INPP5A: variants seen among roughly 807,000 people sequenced by gnomAD.
INPP5A encodes inositol polyphosphate-5-phosphatase A.
In INPP5A, 14 loss-of-function variants were observed where a neutral mutation model predicts 65.2. The ratio of observed to expected loss-of-function variants is 0.21; its 90% CI spans 0.14 to 0.34. The LOEUF (loss-of-function observed/expected upper bound fraction) is 0.34. INPP5A is among the 10% of genes least tolerant of loss of function. INPP5A has a pLI of 1.00. For synonymous variants in INPP5A, 207 were observed against 208.3 expected (o/e 0.99, Z 0.05); for missense variants, 431 against 545.6 (o/e 0.79, Z 2.09).
chr10:132,710,701 C>T (rs1419355589), intron 8 of INPP5A, among the ~76,000 whole-genome samples: 1 of 137,216 alleles, frequency 7.3e-6, no homozygotes. Flanking sequence ...GTGTGGATGG[C>T]AGGTAGGTGT....
chr10:132,672,159 G>A (rs915918703), intron 4 of INPP5A, among the ~76,000 whole-genome samples: 2 of 152,208 alleles, frequency 1.3e-5, no homozygotes, highest in Non-Finnish European at 2.9e-5. Flanking sequence ...GTTTGTGCAT[G>A]TATACACTTG....
chr10:132,745,662 C>T (rs1429251400), intron 9 of INPP5A, among the ~76,000 whole-genome samples: 2 of 142,258 alleles, frequency 1.4e-5, no homozygotes, highest in Non-Finnish European at 3.1e-5. Flanking sequence ...GGTGTGGTGG[C>T]CCTGGGCATG....
chr10:132,590,311 C>T (rs1379985623), intron 1 of INPP5A, among the ~76,000 whole-genome samples: 6 of 152,108 alleles, frequency 3.9e-5, no homozygotes, highest in African/African-American at 9.6e-5. Context: ...GTATCGTCTC[C>T]GTCTGTGATG....
intron 1 of INPP5A, among the ~76,000 whole-genome samples, chr10:132,544,785 C>G (rs916568166): frequency 6.6e-6 from 1 of 152,158 alleles, no homozygotes; most frequent in Non-Finnish European, 1.5e-5. Context: ...AGGCTGTGCT[C>G]TTTGGATTGT....
chr10:132,614,912 C>T (rs1043668484), intron 2 of INPP5A, among the ~76,000 whole-genome samples: 6 of 152,292 alleles, frequency 3.9e-5, no homozygotes, highest in African/African-American at 1.4e-4. Context: ...GCTGGCCTCG[C>T]TCTTATCCTC....
chr10:132,707,813 G>A lies in INPP5A; in HGVS notation c.475-500G>A, dbSNP rs1190488197. On this transcript the variant is annotated intron_variant, in intron 6 of 15. Coordinates refer to ENST00000368594, the MANE Select transcript of INPP5A (RefSeq NM_005539.5). The surrounding 1 kb of genome is among the most constrained non-coding windows in gnomAD (Gnocchi z 5.5). ...CGGTGGGTGAGAGGCATCGGTGGGT[G>A]AACGGCATCGGTGGGTGAGAGGCAT... Among the ~76,000 whole-genome samples, 1 of 151,958 alleles carries A rather than the reference G, an allele frequency of 6.6e-6. No individual in the cohort carries two copies.
At chr10:132,610,330 C>T (rs1020185521) in intron 2 of INPP5A, among the ~76,000 whole-genome samples, 1 of 152,186 alleles carries the variant, frequency 6.6e-6, no homozygotes, top group Non-Finnish European at 1.5e-5. Context: ...GTCCCCTCTG[C>T]CCCTGCAGCT....
In INPP5A at chr10:132,697,052, C is replaced by T. The variant is rs958038617; in HGVS notation, c.371-764C>T. Among the ~76,000 whole-genome samples the T allele has an allele frequency of 2.6e-5, 4 of 152,358 alleles. No homozygotes were observed. The South Asian group carries it at 8.3e-4, about 32-fold the overall frequency. The stretch of plus-strand genomic sequence containing the variant: ...ACTGCTCCAAAGCGGTCTCCAGGAA[C>T]CTCGTTGACACCCAGGAGTGTCACC... On this transcript the variant is annotated intron_variant, in intron 5 of 15. Transcript: ENST00000368594. This position sits in a 1 kb window ranked among gnomAD's most constrained non-coding sequence, Gnocchi z 5.6.
intron 8 of INPP5A, 131 bp downstream of exon 8, chr10:132,710,587 T>A: frequency 1.6e-6 from 2 of 1,256,408 alleles, no homozygotes; most frequent in Non-Finnish European, 2.2e-6. Flanking sequence ...GACAGGTAGG[T>A]GGGGTGGACA....
At chr10:132,556,947 T>G (rs1339083688) in intron 1 of INPP5A, among the ~76,000 whole-genome samples, 1 of 152,222 alleles carries the variant, frequency 6.6e-6, no homozygotes. Flanking sequence ...TTGTGACTTC[T>G]CAGGACGGTG....
chr10:132,650,902 G>A lies in INPP5A; in HGVS notation c.306+397G>A, dbSNP rs562162489. ...GTCGCCAGCCCTGCTCCCATGCTGG[G>A]TCCGTCCCTTCCTGATCCCTGAGTG... On this transcript the variant is annotated intron_variant, in intron 4 of 15. Coordinates refer to ENST00000368594, the MANE Select transcript of INPP5A (RefSeq NM_005539.5). The surrounding 1 kb of genome is among the most constrained non-coding windows in gnomAD (Gnocchi z 5.5). Among the ~76,000 whole-genome samples the A allele has an allele frequency of 1.1e-3, 164 of 152,332 alleles. No homozygotes were observed. Among genetic ancestry groups the A allele is most frequent in the African/African-American group, 3.7e-3 (154 of 41,580 alleles).
In INPP5A at chr10:132,637,130, A is replaced by T. The variant is rs111507619; in HGVS notation, c.118-8738A>T. Among the ~76,000 whole-genome samples the T allele has an allele frequency of 2.9e-3, 445 of 152,176 alleles. 1 individual carries two copies. Among genetic ancestry groups the T allele is most frequent in the African/African-American group, 0.01 (433 of 41,534 alleles). On this transcript the variant is annotated intron_variant, in intron 2 of 15. Coordinates refer to ENST00000368594, the MANE Select transcript of INPP5A (RefSeq NM_005539.5). This position sits in a 1 kb window ranked among gnomAD's most constrained non-coding sequence, Gnocchi z 4.1. ...ACGGGGTTTGACCATGTTGGCCAGG[A>T]TGGTCTTGATCTCCTGACCTTGTGG...
chr10:132,739,806 G>A (rs1029649610), intron 9 of INPP5A, among the ~76,000 whole-genome samples: 1 of 152,200 alleles, frequency 6.6e-6, no homozygotes, highest in Non-Finnish European at 1.5e-5. Context: ...CATGCCCCCT[G>A]CCAGGACCCA....
rs1260544333 is a variant in INPP5A, at chr10:132,697,591, G to C, written c.371-225G>C. Among the ~76,000 whole-genome samples the C allele has an allele frequency of 6.6e-6, 1 of 152,200 alleles. No homozygotes were observed. Among genetic ancestry groups the C allele is most frequent in the Non-Finnish European group, 1.5e-5 (1 of 68,030 alleles). The stretch of plus-strand genomic sequence containing the variant: ...GGAGCTCTCAGGCGATAATGGAGTG[G>C]AGTGTCAGATTCCAGGTCATGGGAG... On this transcript the variant is annotated intron_variant, in intron 5 of 15. Coordinates refer to ENST00000368594, the MANE Select transcript of INPP5A (RefSeq NM_005539.5). The surrounding 1 kb of genome is among the most constrained non-coding windows in gnomAD (Gnocchi z 5.6).
chr10:132,716,756 C>T (rs923675880), intron 8 of INPP5A, among the ~76,000 whole-genome samples: 1 of 152,186 alleles, frequency 6.6e-6, no homozygotes, highest in Non-Finnish European at 1.5e-5. Context: ...GGTGTCCAAG[C>T]AGAGTTTGAG....
At chr10:132,731,842 G>A (rs937192252) in intron 9 of INPP5A, among the ~76,000 whole-genome samples, 6 of 152,226 alleles carry the variant, frequency 3.9e-5, no homozygotes, top group South Asian at 4.1e-4. Flanking sequence ...TGCCCAGGGC[G>A]TTCGTGGGAA....
At chr10:132,736,355 G>T (rs1177355496) in intron 9 of INPP5A, among the ~76,000 whole-genome samples, 1 of 152,282 alleles carries the variant, frequency 6.6e-6, no homozygotes, top group Non-Finnish European at 1.5e-5. Flanking sequence ...ACGTCTGACA[G>T]TGACGGTGAT....
At chr10:132,596,853 GTGTGC>G (rs560938346) in intron 1 of INPP5A, among the ~76,000 whole-genome samples, 34,056 of 144,236 alleles carry the variant, frequency 0.24, 4,289 homozygotes, top group East Asian at 0.46. Flanking sequence ...GCATGCGTGT[GTGTGC>G]ATGTGTGTGC....
At chr10:132,695,420 C>T (rs1425742687) in intron 5 of INPP5A, among the ~76,000 whole-genome samples, 1 of 152,180 alleles carries the variant, frequency 6.6e-6, no homozygotes, top group African/African-American at 2.4e-5. Flanking sequence ...AGATGCTTTT[C>T]CTATGAGATC....
Sources: gnomAD v4.1 joint callset for allele counts (sites outside exome capture counted in the v4.1 genomes callset) on GRCh38, gnomAD v4.1.1 for gene constraint, Gnocchi (gnomAD v3.1) non-coding constraint, MANE v1.5 for transcripts, NCBI Gene and HGNC (gene_info 2026-07-23, HGNC 2026-07-21) for gene names.